Variants in ATE1 observed in about 807,000 individuals in gnomAD.
ATE1 encodes arginyltransferase 1, also known as arginyl-tRNA--protein transferase 1.
A neutral mutation model predicts 70.5 loss-of-function variants in ATE1; 36 were observed. That is an observed-to-expected ratio of 0.51 (90% CI 0.39 to 0.67). The LOEUF is 0.67. Among genes scored for constraint, ATE1 ranks in the 30% least tolerant of loss-of-function variants. ATE1 has a pLI of 0.00. For synonymous variants in ATE1, 232 were observed against 219.3 expected (o/e 1.06, Z -0.51); for missense variants, 593 against 629.5 (o/e 0.94, Z 0.62).
chr10:121,845,573 A>T (rs1948786480), intron 8 of ATE1, among the ~76,000 whole-genome samples: 1 of 152,192 alleles, frequency 6.6e-6, no homozygotes, highest in Non-Finnish European at 1.5e-5. Flanking sequence ...TCTAAGAATG[A>T]AGGTAACAGG....
intron 5 of ATE1, among the ~76,000 whole-genome samples, chr10:121,903,395 G>C (rs1951063592): frequency 6.6e-6 from 1 of 152,038 alleles, no homozygotes; most frequent in African/African-American, 2.4e-5. Flanking sequence ...AACACTGACA[G>C]GTTTTTTTAA....
Position 121,910,934 on chromosome 10 carries a change from T to G in ATE1, c.555A>C (p.Ser185=), listed in dbSNP as rs1951398008. 2.5e-6 allele frequency: 4 copies of G among 1,613,438 alleles called. No homozygotes were observed. The African/African-American group carries it at 4.0e-5, about 16-fold the overall frequency. The stretch of plus-strand genomic sequence containing the variant: ...GCTTAGGAACTGTGTGAACTTTAAC[T>G]GAATGTGACGGTTCACCAGAGCCCA... The part of the protein sequence containing the change: ...EKLGSGEPSH[S]VKVHTVPKPG... Residue 185 remains serine, a synonymous_variant, in exon 5 of 12, where the codon TCA becomes TCC. Coordinates refer to ENST00000224652, the MANE Select transcript of ATE1 (RefSeq NM_001001976.3).
intron 11 of ATE1, among the ~76,000 whole-genome samples, chr10:121,766,695 C>A (rs4751852): frequency 0.83 from 126,056 of 152,046 alleles, 52,622 homozygotes; most frequent in Non-Finnish European, 0.89. Context: ...AACAAAAAAC[C>A]TCCTAGACAA....
intron 7 of ATE1, among the ~76,000 whole-genome samples, chr10:121,885,802 A>C (rs2134153124): frequency 6.6e-6 from 1 of 152,198 alleles, no homozygotes; most frequent in South Asian, 2.1e-4. Context: ...TGGGAGGCTG[A>C]AGCACGAGAA....
In ATE1 at chr10:121,745,482, C is replaced by G. The variant is rs111689505; in HGVS notation, c.1379-1624G>C. ...CTGTAATCCCAGCACTTTGGGAGGC[C>G]AAGGTGGGCAAATCACGAGGTCAGG... is the stretch of plus-strand genomic sequence containing the variant. On this transcript the variant is annotated intron_variant, in intron 11 of 11. Coordinates refer to ENST00000224652, the MANE Select transcript of ATE1 (RefSeq NM_001001976.3). 6.0e-3 allele frequency among the ~76,000 whole-genome samples: 916 copies of G among 152,166 alleles called. 11 individuals carry two copies. The highest frequency in any genetic ancestry group is 0.021 in the African/African-American group (865 of 41,500).
At chr10:121,831,206 T>G (rs910291522) in intron 10 of ATE1, among the ~76,000 whole-genome samples, 8 of 152,240 alleles carry the variant, frequency 5.3e-5, no homozygotes, top group African/African-American at 1.9e-4. Context: ...GTGAACATTG[T>G]TAGATACTGT....
intron 8 of ATE1, among the ~76,000 whole-genome samples, chr10:121,862,532 A>ATTTTTTTTTTTTTTTTT (rs35130703): frequency 1.9e-5 from 2 of 105,380 alleles, no homozygotes; most frequent in African/African-American, 7.6e-5. Flanking sequence ...AATTTTTTTA[A>ATTTTTTTTTTTTTTTTT]TTTTTTTTTT....
chr10:121,894,751 A>T (rs911524997), intron 7 of ATE1, among the ~76,000 whole-genome samples: 2 of 151,960 alleles, frequency 1.3e-5, no homozygotes, highest in African/African-American at 4.8e-5. Context: ...ATACAAAAAA[A>T]TTAGCCGGGC....
At chr10:121,898,119 C>T (rs889100319) in intron 7 of ATE1, among the ~76,000 whole-genome samples, 4 of 152,116 alleles carry the variant, frequency 2.6e-5, no homozygotes, top group Admixed American at 6.6e-5. Flanking sequence ...ACTGTGACAA[C>T]GATGCCATCT....
intron 8 of ATE1, among the ~76,000 whole-genome samples, chr10:121,867,406 A>G (rs117179056): frequency 0.015 from 2,305 of 152,294 alleles, 26 homozygotes; most frequent in Non-Finnish European, 0.023. Flanking sequence ...CCTTCTGCTA[A>G]AAACCCTTAT....
chr10:121,802,471 G>A (rs762392986), intron 10 of ATE1, among the ~76,000 whole-genome samples: 1 of 151,944 alleles, frequency 6.6e-6, no homozygotes, highest in Non-Finnish European at 1.5e-5. Flanking sequence ...ACCACGTCTG[G>A]CTAATTTTTA....
At chr10:121,875,745 T>C (rs1317793937) in intron 7 of ATE1, among the ~76,000 whole-genome samples, 1 of 152,190 alleles carries the variant, frequency 6.6e-6, no homozygotes, top group South Asian at 2.1e-4. Flanking sequence ...TCTTACTATA[T>C]AGCGGCCTCA....
chr10:121,914,806 TTAAA>T (rs1951580293), intron 3 of ATE1, among the ~76,000 whole-genome samples: 1 of 152,066 alleles, frequency 6.6e-6, no homozygotes, highest in Non-Finnish European at 1.5e-5. Flanking sequence ...TGAAAACGGC[TTAAA>T]TAAAAGTGTA....
chr10:121,928,245 G>A (rs950244686), upstream of ATE1: 100 of 1,403,726 alleles, frequency 7.1e-5, no homozygotes, highest in South Asian at 1.0e-3. Context: ...GAGTCAAGAG[G>A]GGAAGGGAAG....
chr10:121,924,533 T>C (rs950293370), intron 1 of ATE1, among the ~76,000 whole-genome samples: 1 of 151,916 alleles, frequency 6.6e-6, no homozygotes, highest in Admixed American at 6.6e-5. Context: ...ACCCCATCTC[T>C]ACTAAAAATA....
chr10:121,758,499 T>C (rs933714194), intron 11 of ATE1, among the ~76,000 whole-genome samples: 1 of 152,230 alleles, frequency 6.6e-6, no homozygotes, highest in Admixed American at 6.5e-5. Context: ...TTAGAAATTA[T>C]AGTATTAATC....
intron 11 of ATE1, among the ~76,000 whole-genome samples, chr10:121,773,764 A>T (rs1226387003): frequency 2.0e-5 from 3 of 152,206 alleles, no homozygotes; most frequent in African/African-American, 7.2e-5. Context: ...AATACCAATT[A>T]TTCCTTGAGT....
intron 8 of ATE1, among the ~76,000 whole-genome samples, chr10:121,852,827 T>C (rs1044679266): frequency 6.6e-6 from 1 of 152,146 alleles, no homozygotes; most frequent in Non-Finnish European, 1.5e-5. Context: ...AGTTAAGAAA[T>C]GAAAAAGTAA....
chr10:121,790,060 C>T, intron 11 of ATE1, 109 bp downstream of exon 11: 3 of 1,463,720 alleles, frequency 2.0e-6, no homozygotes, highest in South Asian at 1.3e-5. Flanking sequence ...GCACAGCATA[C>T]TCTATAATAT....
Sources: allele counts gnomAD v4.1 joint callset (sites outside exome capture counted in the v4.1 genomes callset), GRCh38; gene constraint gnomAD v4.1.1; transcripts MANE v1.5; gene names NCBI Gene and HGNC (gene_info 2026-07-23, HGNC 2026-07-21).